CDC16: variants seen among roughly 807,000 people sequenced by gnomAD.
The protein encoded by CDC16 is cell division cycle 16.
Under a neutral mutation model 87.0 loss-of-function variants are expected in CDC16, and 34 were observed. That is an observed-to-expected ratio of 0.39 (90% confidence interval 0.30 to 0.52). The LOEUF (loss-of-function observed/expected upper bound fraction) is 0.52, where lower values mean the gene tolerates loss of function less well. Among genes scored for constraint, CDC16 ranks in the 20% least tolerant of loss-of-function variants. The pLI is 0.74. For synonymous variants in CDC16, 263 were observed against 260.6 expected (o/e 1.01, Z -0.09); for missense variants, 653 against 751.9 (o/e 0.87, Z 1.54).
At chr13:114,265,044 C>A in intron 16 of CDC16, 106 bp from the exon 17 acceptor site, 1 of 817,944 alleles carries the variant, frequency 1.2e-6, no homozygotes, top group Non-Finnish European at 2.1e-6. Context: ...CTATGTCTGG[C>A]CACTTCCCCC....
At chr13:114,237,740 G>A (rs2081325975) in intron 3 of CDC16, among the ~76,000 whole-genome samples, 1 of 152,014 alleles carries the variant, frequency 6.6e-6, no homozygotes, top group Non-Finnish European at 1.5e-5. Context: ...CTCCCCACTC[G>A]TACGTGTCAG....
chr13:114,255,030 T>G (rs546252602), intron 12 of CDC16, among the ~76,000 whole-genome samples: 1 of 152,354 alleles, frequency 6.6e-6, no homozygotes, highest in Non-Finnish European at 1.5e-5. Flanking sequence ...CAGAAAAATC[T>G]TAAATCTACC....
rs1278998010 is a variant in CDC16, at chr13:114,261,890, A to C, written c.1318A>C (p.Thr440Pro). 6.2e-7 allele frequency: 1 copy of C among 1,602,300 alleles called. No individual in the cohort carries two copies. The highest frequency in any genetic ancestry group is 2.3e-5 in the East Asian group (1 of 44,086). The change falls in exon 15 of 18, where the codon ACA becomes CCA. Residue 440 changes from threonine (T) to proline (P), a missense_variant. Coordinates refer to ENST00000356221, the MANE Select transcript of CDC16 (RefSeq NM_001078645.3). Reference sequence around the variant, plus strand: ...GCTTGATGTTGCTATGTTTTAGGTAACAGTTGACAAATGGGAACCTTTGTT... The same window carrying C: ...GCTTGATGTTGCTATGTTTTAGGTACCAGTTGACAAATGGGAACCTTTGTT... ...EKIKAIGNEV[T>P]VDKWEPLLNN...
At position 114,243,266 on chromosome 13, in the gene CDC16, T is replaced by C; in HGVS notation, c.551T>C (p.Leu184Pro). 1 of 1,503,440 alleles carries C rather than the reference T, an allele frequency of 6.7e-7. No homozygotes were observed. The highest frequency in any genetic ancestry group is 1.7e-5 in the Admixed American group (1 of 58,288). The allele number at this position is 1,503,440 out of a possible 1,614,324, so 93.1% of individuals were successfully genotyped here. ...TCTCACCATTTTTAAGAAAAAGAAC[T>C]TCTTGAATCACTACCCCTTAGCAAG... is the stretch of plus-strand genomic sequence containing the variant. ...HMLTAQEEKE[L>P]LESLPLSKLC... The change falls in exon 7 of 18, where the codon CTT becomes CCT. Residue 184 changes from leucine to proline, a missense_variant. By Grantham distance (98) the Leu-to-Pro change is moderately conservative. Transcript: ENST00000356221.
chr13:114,245,741 A>G, intron 9 of CDC16: 3 of 359,548 alleles, frequency 8.3e-6, no homozygotes, highest in Non-Finnish European at 1.5e-5. Context: ...AGCTTCTAAG[A>G]GAGGTGAGGT....
At chr13:114,240,486 G>C (rs1014678627) in intron 5 of CDC16, among the ~76,000 whole-genome samples, 4 of 152,126 alleles carry the variant, frequency 2.6e-5, no homozygotes, top group African/African-American at 9.7e-5. Flanking sequence ...TGGGATTACA[G>C]GTGTGAGCCA....
At chr13:114,261,443 G>T (rs939794685) in intron 14 of CDC16, among the ~76,000 whole-genome samples, 1 of 152,068 alleles carries the variant, frequency 6.6e-6, no homozygotes, top group African/African-American at 2.4e-5. Flanking sequence ...AGGGTCAGAG[G>T]GGGTGGGGGT....
chr13:114,242,814 C>T (rs937371170), intron 6 of CDC16: 2 of 163,648 alleles, frequency 1.2e-5, no homozygotes, highest in Non-Finnish European at 2.7e-5. Context: ...GATTTTGCCG[C>T]CCCCTGCCCC....
intron 16 of CDC16, among the ~76,000 whole-genome samples, chr13:114,263,771 A>G (rs892197640): frequency 2.0e-5 from 3 of 152,170 alleles, no homozygotes; most frequent in Non-Finnish European, 4.4e-5. Context: ...TCAGTCTGCT[A>G]AAGTGTCAAC....
Position 114,245,946 on chromosome 13 carries a change from C to G in CDC16, c.848-54C>G. ...GTGAAGAGTTGTAATGAAATCATGTCTTAAATTACATGTGATACGAACAAT... is the reference window on the plus strand; with the variant it reads ...GTGAAGAGTTGTAATGAAATCATGTGTTAAATTACATGTGATACGAACAAT... On this transcript the variant is annotated intron_variant, in intron 9 of 17. Coordinates refer to ENST00000356221, the MANE Select transcript of CDC16 (RefSeq NM_001078645.3). The G allele has an allele frequency of 3.2e-6, 3 of 943,616 alleles. No homozygotes were observed. In the South Asian group the frequency reaches 4.4e-5, roughly 14 times the overall value. The allele number at this position is 943,616 out of a possible 1,614,324, so 58.5% of individuals were successfully genotyped here. A position where few individuals can be genotyped will look rare whatever the true frequency, so the allele number is the denominator to read the frequency against.
chr13:114,243,695 T>TA (rs2081683699), intron 7 of CDC16, among the ~76,000 whole-genome samples, 161 bp from the exon 8 acceptor site: 1 of 152,236 alleles, frequency 6.6e-6, no homozygotes, highest in African/African-American at 2.4e-5. Flanking sequence ...GAATTAAACT[T>TA]ACTGAGAGGA....
chr13:114,259,591 G>A (rs2082718220), intron 14 of CDC16, among the ~76,000 whole-genome samples, 193 bp downstream of exon 14: 1 of 152,148 alleles, frequency 6.6e-6, no homozygotes, highest in Non-Finnish European at 1.5e-5. Flanking sequence ...TTCCCTAAGA[G>A]GGCAAGTGTT....
Position 114,244,935 on chromosome 13 carries a change from T to A in CDC16, c.813T>A (p.His271Gln). ...DPFHASCLPV[H>Q]IGTLVELNKA... is the part of the protein sequence containing the mutation. The stretch of plus-strand genomic sequence containing the variant: ...TCCATGCAAGTTGTTTACCTGTACA[T>A]ATAGGGACGCTTGTAGAGCTGAATA... Residue 271 changes from histidine (H) to glutamine (Q), a missense_variant, in exon 9 of 18, where the codon CAT becomes CAA. By Grantham distance (24) the His-to-Gln change is conservative. Coordinates refer to ENST00000356221, the MANE Select transcript of CDC16 (RefSeq NM_001078645.3). 17 of 1,609,988 alleles carry A rather than the reference T, an allele frequency of 1.1e-5. No individual in the cohort carries two copies. Among genetic ancestry groups the A allele is most frequent in the Non-Finnish European group, 1.4e-5 (17 of 1,176,972 alleles).
chr13:114,239,147 G>A (rs534894098), intron 4 of CDC16, 119 bp downstream of exon 4: 150 of 1,470,864 alleles, frequency 1.0e-4, no homozygotes, highest in Middle Eastern at 4.0e-4. Flanking sequence ...TATTTCATGA[G>A]GAAGTGTTCC....
chr13:114,246,036 A>G lies in CDC16; in HGVS notation c.884A>G (p.Tyr295Cys). 2.1e-6 allele frequency: 3 copies of G among 1,458,534 alleles called. No individual in the cohort carries two copies. Among genetic ancestry groups the G allele is most frequent in the Non-Finnish European group, 2.8e-6 (3 of 1,062,086 alleles). 90.3% of individuals were successfully genotyped at this position (1,458,534 alleles called of 1,614,324 possible). The change falls in exon 10 of 18, where the codon TAT (tyrosine) becomes TGT (cysteine). Residue 295 changes from tyrosine (Y) to cysteine (C), a missense_variant. By Grantham distance (194) the Tyr-to-Cys change is radical. Transcript: ENST00000356221. ...CTTTCTCATAAACTGGTGGATTTAT[A>G]TCCTAGTAATCCTGTAAGTAATATA... ...FYLSHKLVDL[Y>C]PSNPVSWFAV...
At chr13:114,257,650 G>T (rs1594639928) in intron 13 of CDC16, among the ~76,000 whole-genome samples, 1 of 152,132 alleles carries the variant, frequency 6.6e-6, no homozygotes, top group East Asian at 1.9e-4. Context: ...CCTGGTCAGT[G>T]TAGGCTTTAC....
intron 10 of CDC16, among the ~76,000 whole-genome samples, chr13:114,246,617 CAG>C (rs1280307723): frequency 2.0e-5 from 3 of 152,274 alleles, no homozygotes; most frequent in African/African-American, 7.2e-5. Flanking sequence ...AGAACTCGGA[CAG>C]AGAGCAAGGA....
chr13:114,261,951 A>T lies in CDC16; in HGVS notation c.1376+3A>T. ...GGGCATGTCTGCAGAAAACTTAAGT[A>T]AGTGAAGTAGAGCATTTTCAGAAAT... On this transcript the variant is annotated splice_donor_region_variant and intron_variant, in intron 15 of 17. Transcript: ENST00000356221. 1 of 1,583,598 alleles carries T rather than the reference A, an allele frequency of 6.3e-7. No homozygotes were observed. Among genetic ancestry groups the T allele is most frequent in the Non-Finnish European group, 8.6e-7 (1 of 1,158,908 alleles).
chr13:114,262,014 T>G (rs2082887701), intron 15 of CDC16, 66 bp downstream of exon 15: 1 of 966,190 alleles, frequency 1.0e-6, no homozygotes, highest in African/African-American at 1.7e-5. Context: ...TTTTGAATAC[T>G]TTGTCATATT....
Sources: gnomAD v4.1 joint callset for allele counts (sites outside exome capture counted in the v4.1 genomes callset) on GRCh38, gnomAD v4.1.1 for gene constraint, MANE v1.5 for transcripts, NCBI Gene and HGNC (gene_info 2026-07-23, HGNC 2026-07-21) for gene names.